The following TBC1D16 variants were observed in gnomAD, a reference collection of about 807,000 sequenced individuals.
TBC1D16 encodes TBC1 domain family member 16.
A neutral mutation model predicts 74.7 loss-of-function variants in TBC1D16; 58 were observed. The observed-to-expected ratio is 0.78, with a 90% CI of 0.63 to 0.97. The LOEUF (loss-of-function observed/expected upper bound fraction) is 0.97. Among genes scored for constraint, TBC1D16 ranks in the 50% least tolerant of loss-of-function variants. The pLI, the probability that TBC1D16 is intolerant of heterozygous loss-of-function variation, is 0.00. For synonymous variants in TBC1D16, 493 were observed against 474.7 expected, an observed-to-expected ratio of 1.04 and a Z score of -0.50; for missense variants, 1,014 against 1,079.5, an observed-to-expected ratio of 0.94 and a Z score of 0.85.
At position 79,970,190 on chromosome 17, in the gene TBC1D16, C is replaced by T. The variant is rs796213889; in HGVS notation, c.780-17372G>A. Among the ~76,000 whole-genome samples, 10 of 152,218 alleles carry T rather than the reference C, an allele frequency of 6.6e-5. 1 individual carries two copies. Among genetic ancestry groups the T allele is most frequent in the South Asian group, 4.1e-4 (2 of 4,822 alleles). ...GAAAGAAGCCAGTCACAAAAGGCCA[C>T]GTGTTCTATGATTTCATTTATATGA... On this transcript the variant is annotated intron_variant, in intron 3 of 11. Coordinates refer to ENST00000310924, the MANE Select transcript of TBC1D16 (RefSeq NM_019020.4).
Position 80,000,430 on chromosome 17 carries a change from C to T in TBC1D16, c.779+9730G>A, listed in dbSNP as rs1411072773. On this transcript the variant is annotated intron_variant, in intron 3 of 11. Coordinates refer to ENST00000310924, the MANE Select transcript of TBC1D16 (RefSeq NM_019020.4). The surrounding 1 kb of genome is among the most constrained non-coding windows in gnomAD (Gnocchi z 4.1). ...GGCAGGGGTCGGAATGATGTGGCCACAAGCCAAGGAATGCCTGCAGCCACT... is the reference window on the plus strand; with the variant it reads ...GGCAGGGGTCGGAATGATGTGGCCATAAGCCAAGGAATGCCTGCAGCCACT... Among the ~76,000 whole-genome samples, 2 of 152,190 alleles carry T rather than the reference C, an allele frequency of 1.3e-5. No individual in the cohort carries two copies. The highest frequency in any genetic ancestry group is 4.8e-5 in the African/African-American group (2 of 41,440).
intron 3 of TBC1D16, among the ~76,000 whole-genome samples, chr17:79,959,237 A>G (rs1429331269): frequency 1.3e-5 from 2 of 152,250 alleles, no homozygotes; most frequent in Non-Finnish European, 2.9e-5. Context: ...AATTGCTGAG[A>G]TAAGTCAAAT....
rs1271456746 is a variant in TBC1D16, at chr17:79,961,470, C to G, written c.780-8652G>C. Reference sequence around the variant, plus strand: ...TTAAAAATTAAACACATGCCTGTTTCCAGTTATTCCATTCCCAAGTATTTA... The same window carrying G: ...TTAAAAATTAAACACATGCCTGTTTGCAGTTATTCCATTCCCAAGTATTTA... On this transcript the variant is annotated intron_variant, in intron 3 of 11. Coordinates refer to ENST00000310924, the MANE Select transcript of TBC1D16 (RefSeq NM_019020.4). This position sits in a 1 kb window ranked among gnomAD's most constrained non-coding sequence, Gnocchi z 4.8. Among the ~76,000 whole-genome samples, 4 of 152,212 alleles carry G rather than the reference C, an allele frequency of 2.6e-5. No individual in the cohort carries two copies. In the South Asian group the frequency reaches 6.2e-4, roughly 24 times the overall value.
chr17:79,986,746 G>A lies in TBC1D16; in HGVS notation c.779+23414C>T, dbSNP rs2034852301. Among the ~76,000 whole-genome samples, 1 of 152,148 alleles carries A rather than the reference G, an allele frequency of 6.6e-6. No individual in the cohort carries two copies. Among genetic ancestry groups the A allele is most frequent in the South Asian group, 2.1e-4 (1 of 4,830 alleles). On this transcript the variant is annotated intron_variant, in intron 3 of 11. Transcript: ENST00000310924. The surrounding 1 kb of genome is among the most constrained non-coding windows in gnomAD (Gnocchi z 6.0). The stretch of plus-strand genomic sequence containing the variant: ...TGGTTGGGTTTTCCCTTCCAAGGAA[G>A]GCTCTACACACCCGGCCCTCCTCAG...
At chr17:79,945,499 C>A (rs757766797) in intron 9 of TBC1D16, among the ~76,000 whole-genome samples, 19 of 152,200 alleles carry the variant, frequency 1.2e-4, no homozygotes, top group Admixed American at 4.6e-4. Flanking sequence ...CGGCTACGCT[C>A]ACCCAGATCT....
chr17:80,001,767 C>G lies in TBC1D16; in HGVS notation c.779+8393G>C, dbSNP rs908097717. Among the ~76,000 whole-genome samples, 2 of 151,880 alleles carry G rather than the reference C, an allele frequency of 1.3e-5. No individual in the cohort carries two copies. Among genetic ancestry groups the G allele is most frequent in the Non-Finnish European group, 2.9e-5 (2 of 67,946 alleles). Reference sequence around the variant, plus strand: ...GCTGGAGTGGCCCCTAAGACACGCACGGCCCACCCTCCCCACTCACCCCTT... The same window carrying G: ...GCTGGAGTGGCCCCTAAGACACGCAGGGCCCACCCTCCCCACTCACCCCTT... On this transcript the variant is annotated intron_variant, in intron 3 of 11. Transcript: ENST00000310924. The surrounding 1 kb of genome is among the most constrained non-coding windows in gnomAD (Gnocchi z 5.8).
intron 3 of TBC1D16, among the ~76,000 whole-genome samples, chr17:79,969,638 T>C (rs1435869112): frequency 6.6e-6 from 1 of 152,048 alleles, no homozygotes; most frequent in African/African-American, 2.4e-5. Context: ...CGTAGGTAGA[T>C]ATCCTAGATA....
rs569278483 is a variant in TBC1D16 at position 80,034,013 on chromosome 17, T to G, written c.-63+1782A>C. ...CCTAATTCTGTCACTCCTAACTGCATGAGCTTGGGAAGTTACTTCTCTAAG... is the reference window on the plus strand; with the variant it reads ...CCTAATTCTGTCACTCCTAACTGCAGGAGCTTGGGAAGTTACTTCTCTAAG... On this transcript the variant is annotated intron_variant, in intron 1 of 11. Coordinates refer to ENST00000310924, the MANE Select transcript of TBC1D16 (RefSeq NM_019020.4). Among the ~76,000 whole-genome samples, 12 of 152,350 alleles carry G rather than the reference T, an allele frequency of 7.9e-5. No individual in the cohort carries two copies. The South Asian group carries it at 2.5e-3, about 32-fold the overall frequency.
chr17:79,991,488 G>C (rs2035055711), intron 3 of TBC1D16, among the ~76,000 whole-genome samples: 1 of 152,198 alleles, frequency 6.6e-6, no homozygotes, highest in Non-Finnish European at 1.5e-5. Flanking sequence ...CAGGATGCAG[G>C]AGTGGCGTCT....
In TBC1D16 at chr17:79,947,795, G is replaced by T; in HGVS notation, c.1578C>A (p.Ala526=). The T allele has an allele frequency of 6.2e-7, 1 of 1,613,728 alleles. No individual in the cohort carries two copies. Among genetic ancestry groups the T allele is most frequent in the Non-Finnish European group, 8.5e-7 (1 of 1,180,032 alleles). The part of the protein sequence containing the change: ...ILLNYAVYNP[A]VGYSQGMSDL... ...CCGACATCCCTTGGGAATAGCCGAC[G>T]GCAGGGTTGTACACGGCGTAGTTCA... The change falls in exon 9 of 12, where the codon GCC becomes GCA. Residue 526 remains alanine, a synonymous_variant. Coordinates refer to ENST00000310924, the MANE Select transcript of TBC1D16 (RefSeq NM_019020.4).
chr17:79,949,812 G>A lies in TBC1D16; in HGVS notation c.1311C>T (p.Phe437=). 1.2e-6 allele frequency: 2 copies of A among 1,613,824 alleles called. No individual in the cohort carries two copies. Among genetic ancestry groups the A allele is most frequent in the Non-Finnish European group, 1.7e-6 (2 of 1,179,982 alleles). ...ACTCGTGGCTGTAATAGCGCAGCAG[G>A]AAGGGCCAGACCTCCCCGCGGATTG... ...DVSIRGEVWP[F]LLRYYSHEST... Residue 437 remains phenylalanine, a synonymous_variant, in exon 7 of 12, where the codon TTC becomes TTT. Coordinates refer to ENST00000310924, the MANE Select transcript of TBC1D16 (RefSeq NM_019020.4).
At position 79,969,890 on chromosome 17, in the gene TBC1D16, C is replaced by G. The variant is rs143925568; in HGVS notation, c.780-17072G>C. Among the ~76,000 whole-genome samples the G allele has an allele frequency of 3.9e-5, 6 of 152,084 alleles. No homozygotes were observed. The East Asian group carries it at 1.2e-3, about 29-fold the overall frequency. ...CCGGGAGGCGGAGGTTGCAGTGAGCCGAGATCACGCCATTGCACTGCAGCC... is the reference window on the plus strand; with the variant it reads ...CCGGGAGGCGGAGGTTGCAGTGAGCGGAGATCACGCCATTGCACTGCAGCC... On this transcript the variant is annotated intron_variant, in intron 3 of 11. Coordinates refer to ENST00000310924, the MANE Select transcript of TBC1D16 (RefSeq NM_019020.4).
In TBC1D16 at chr17:79,933,801, G is replaced by A. The variant is rs1419389436; in HGVS notation, c.*7058C>T. On this transcript the variant is annotated 3_prime_UTR_variant, in exon 12 of 12. Coordinates refer to ENST00000310924, the MANE Select transcript of TBC1D16 (RefSeq NM_019020.4). The stretch of plus-strand genomic sequence containing the variant: ...GCAGGGTACATATGTGTCTGCCCCG[G>A]GAATCCAAGTAGCCCCAGTGCGCTC... 3.9e-5 allele frequency: 6 copies of A among 152,264 alleles called. No homozygotes were observed. Among genetic ancestry groups the A allele is most frequent in the African/African-American group, 1.4e-4 (6 of 41,446 alleles). 9.4% of individuals were successfully genotyped at this position (152,264 alleles called of 1,614,324 possible).
Position 80,001,764 on chromosome 17 carries a change from G to A in TBC1D16, c.779+8396C>T, listed in dbSNP as rs2035493618. ...GCTGCTGGAGTGGCCCCTAAGACAC[G>A]CACGGCCCACCCTCCCCACTCACCC... is the stretch of plus-strand genomic sequence containing the variant. On this transcript the variant is annotated intron_variant, in intron 3 of 11. Coordinates refer to ENST00000310924, the MANE Select transcript of TBC1D16 (RefSeq NM_019020.4). This position sits in a 1 kb window ranked among gnomAD's most constrained non-coding sequence, Gnocchi z 5.8. Among the ~76,000 whole-genome samples, 2 of 151,738 alleles carry A rather than the reference G, an allele frequency of 1.3e-5. No homozygotes were observed. The highest frequency in any genetic ancestry group is 6.6e-5 in the Admixed American group (1 of 15,218).
In TBC1D16 at chr17:79,943,010, C is replaced by T. The variant is rs184020405; in HGVS notation, c.1909-804G>A. Among the ~76,000 whole-genome samples the T allele has an allele frequency of 2.4e-4, 37 of 152,336 alleles. 1 individual carries two copies. The highest frequency in any genetic ancestry group is 8.2e-4 in the African/African-American group (34 of 41,592). On this transcript the variant is annotated intron_variant, in intron 10 of 11. Transcript: ENST00000310924. ...AGACACGCCACCTTTGATGCACACG[C>T]GCTTCCGGAGGCACAGGAAGGACGG...
chr17:79,951,615 G>C lies in TBC1D16; in HGVS notation c.942-18C>G, dbSNP rs189750252. On this transcript the variant is annotated intron_variant, in intron 4 of 11. Transcript: ENST00000310924. ...CCTCGTCGCTGAAGGGCCATTGGAA[G>C]GGGGAGAGGGAAGCCCGATGAATAT... 5,443 of 1,609,474 alleles carry C rather than the reference G, an allele frequency of 3.4e-3. 14 individuals carry two copies. The highest frequency in any genetic ancestry group is 4.2e-3 in the Non-Finnish European group (4,900 of 1,177,512).
At chr17:80,024,784 A>G (rs1354752512) in intron 1 of TBC1D16, among the ~76,000 whole-genome samples, 1 of 148,084 alleles carries the variant, frequency 6.8e-6, no homozygotes, top group Non-Finnish European at 1.5e-5. Flanking sequence ...ACACATACCT[A>G]CCACACACTA....
chr17:79,948,111 C>T (rs761226693), intron 8 of TBC1D16, among the ~76,000 whole-genome samples: 57 of 152,132 alleles, frequency 3.7e-4, no homozygotes, highest in Admixed American at 6.6e-4. Flanking sequence ...AGGAGTTCGA[C>T]ACTAGCCTGG....
At chr17:80,022,826 G>A (rs1419447013) in intron 1 of TBC1D16, among the ~76,000 whole-genome samples, 3 of 148,782 alleles carry the variant, frequency 2.0e-5, no homozygotes, top group East Asian at 3.9e-4. Flanking sequence ...TAGTAGAGAC[G>A]GTTTTGCCAT....
Sources: gnomAD v4.1 joint callset for allele counts (sites outside exome capture counted in the v4.1 genomes callset) on GRCh38, gnomAD v4.1.1 for gene constraint, Gnocchi (gnomAD v3.1) non-coding constraint, MANE v1.5 for transcripts, NCBI Gene and HGNC (gene_info 2026-07-23, HGNC 2026-07-21) for gene names.